The following RASGRF2 variants were observed in gnomAD, a reference collection of about 807,000 sequenced individuals.
RASGRF2 encodes ras-specific guanine nucleotide-releasing factor 2.
In RASGRF2, 76 loss-of-function variants were observed where a neutral mutation model predicts 151.0. The ratio of observed to expected loss-of-function variants is 0.50; its 90% CI spans 0.42 to 0.61. The LOEUF is 0.61. Among genes scored for constraint, RASGRF2 ranks in the 20% least tolerant of loss-of-function variants. The pLI is 0.00. For synonymous variants in RASGRF2, 504 were observed against 566.5 expected (o/e 0.89, Z 1.57); for missense variants, 1,148 against 1,564.6 (o/e 0.73, Z 4.49).
intron 3 of RASGRF2, 85 bp downstream of exon 3, chr5:81,068,264 C>T: frequency 2.7e-6 from 4 of 1,459,524 alleles, no homozygotes; most frequent in Non-Finnish European, 3.7e-6. Context: ...TTCAGGGCAA[C>T]ATTTTAATCC....
chr5:81,040,628 C>A (rs1750648771), intron 1 of RASGRF2, among the ~76,000 whole-genome samples: 1 of 149,952 alleles, frequency 6.7e-6, no homozygotes, highest in Admixed American at 6.6e-5. Context: ...AGGGCCAAGA[C>A]CATGGGGGCC....
At chr5:81,109,914 C>A (rs1456604864) in intron 13 of RASGRF2, among the ~76,000 whole-genome samples, 1 of 152,142 alleles carries the variant, frequency 6.6e-6, no homozygotes, top group African/African-American at 2.4e-5. Context: ...TCTATTAAAT[C>A]CAACATATCT....
At chr5:81,184,998 G>T (rs1490961025) in intron 18 of RASGRF2, among the ~76,000 whole-genome samples, 3 of 152,222 alleles carry the variant, frequency 2.0e-5, no homozygotes, top group Non-Finnish European at 2.9e-5. Context: ...AGGACCAAAG[G>T]CACAGGGGCA....
In RASGRF2 at chr5:81,068,031, G is replaced by A; in HGVS notation, c.396-1G>A. 6.3e-7 allele frequency: 1 copy of A among 1,598,782 alleles called. No individual in the cohort carries two copies. The highest frequency in any genetic ancestry group is 1.1e-5 in the South Asian group (1 of 88,830). On this transcript the variant is annotated splice_acceptor_variant, in intron 2 of 26. Transcript: ENST00000265080. LOFTEE classifies it high-confidence loss of function. ...GACTAACTGTGTAATTTTCTCTCAA[G>A]TTATGCAGACATTTTGATTGAGAGG...
At chr5:81,096,706 G>A (rs1010529644) in intron 12 of RASGRF2, among the ~76,000 whole-genome samples, 3 of 152,222 alleles carry the variant, frequency 2.0e-5, no homozygotes, top group East Asian at 1.9e-4. Context: ...CTTGGAGTGC[G>A]TGAATAATTC....
chr5:81,134,020 G>A (rs983234366), intron 17 of RASGRF2, among the ~76,000 whole-genome samples: 12 of 150,766 alleles, frequency 8.0e-5, no homozygotes, highest in Admixed American at 7.3e-4. Context: ...TGGGATTCAG[G>A]AATTTTTTAA....
chr5:80,995,220 C>T (rs184522550), intron 1 of RASGRF2, among the ~76,000 whole-genome samples: 2,324 of 145,478 alleles, frequency 0.016, 77 homozygotes, highest in African/African-American at 0.056. Context: ...CGCGCCACTG[C>T]CCTCCAGCCT....
Position 81,030,925 on chromosome 5 carries a change from C to T in RASGRF2, c.289-11952C>T, listed in dbSNP as rs186737805. On this transcript the variant is annotated intron_variant, in intron 1 of 26. Transcript: ENST00000265080. ...GACCCATCTCACGTGCAGAGACACA[C>T]ATTGGCTCAAAATAAAGGGATGGAG... Among the ~76,000 whole-genome samples, 3 of 152,246 alleles carry T rather than the reference C, an allele frequency of 2.0e-5. No individual in the cohort carries two copies. In the East Asian group the frequency reaches 5.8e-4, roughly 29 times the overall value.
At chr5:81,216,361 ACACACACG>A (rs370687296) in intron 24 of RASGRF2, among the ~76,000 whole-genome samples, 28,822 of 145,198 alleles carry the variant, frequency 0.2, 2,944 homozygotes, top group Admixed American at 0.3. Context: ...ACACACACAC[ACACACACG>A]CACACACACA....
At chr5:81,198,540 C>T (rs932180711) in intron 18 of RASGRF2, among the ~76,000 whole-genome samples, 1 of 152,048 alleles carries the variant, frequency 6.6e-6, no homozygotes, top group African/African-American at 2.4e-5. Flanking sequence ...GCCGGGTTCA[C>T]ACCATTCTCC....
Position 81,094,363 on chromosome 5 carries a change from G to A in RASGRF2, c.1618+1G>A, listed in dbSNP as rs1368641598. The A allele has an allele frequency of 6.2e-7, 1 of 1,610,130 alleles. No homozygotes were observed. On this transcript the variant is annotated splice_donor_variant, in intron 11 of 26. Transcript: ENST00000265080. LOFTEE classifies it high-confidence loss of function. ...GAGCCAGATGCAAGCGATGATGACT[G>A]TAAGTCACCTTCGATCACTTAGGAT...
At chr5:81,064,848 G>GTTATGTT (rs1158406222) in intron 2 of RASGRF2, among the ~76,000 whole-genome samples, 3 of 152,128 alleles carry the variant, frequency 2.0e-5, no homozygotes, top group African/African-American at 4.8e-5. Context: ...CCTTGATTAG[G>GTTATGTT]TTATGTTATA....
intron 1 of RASGRF2, among the ~76,000 whole-genome samples, chr5:81,039,706 A>G (rs1246409545): frequency 1.3e-5 from 2 of 152,166 alleles, no homozygotes; most frequent in South Asian, 2.1e-4. Flanking sequence ...TAGTAAATCC[A>G]TTAATATAAC....
At chr5:81,065,249 C>T (rs1751566260) in intron 2 of RASGRF2, among the ~76,000 whole-genome samples, 2 of 152,180 alleles carry the variant, frequency 1.3e-5, no homozygotes, top group South Asian at 4.1e-4. Context: ...AAGTAAAATA[C>T]ACTGTATTCA....
chr5:81,051,707 T>C (rs371115275), intron 2 of RASGRF2, among the ~76,000 whole-genome samples: 91 of 152,338 alleles, frequency 6.0e-4, no homozygotes, highest in African/African-American at 2.2e-3. Flanking sequence ...TATACCACAT[T>C]TTATTTATCT....
At chr5:81,070,098 G>T (rs1751727223) in intron 3 of RASGRF2, 1 of 189,196 alleles carries the variant, frequency 5.3e-6, no homozygotes, top group South Asian at 1.2e-4. Flanking sequence ...AGAACCAGGG[G>T]CTCTGAGCTG....
intron 17 of RASGRF2, among the ~76,000 whole-genome samples, chr5:81,133,267 T>C (rs557996036): frequency 1.3e-5 from 2 of 152,326 alleles, no homozygotes; most frequent in South Asian, 4.1e-4. Flanking sequence ...CCTTTTCCAA[T>C]GTCAAACAGT....
chr5:81,218,912 G>A (rs757357910), intron 25 of RASGRF2, among the ~76,000 whole-genome samples: 7 of 152,070 alleles, frequency 4.6e-5, no homozygotes, highest in Non-Finnish European at 8.8e-5. Context: ...GTTTTGTAGA[G>A]GTCTTTCGAT....
At chr5:81,015,441 C>T (rs6862583) in intron 1 of RASGRF2, among the ~76,000 whole-genome samples, 41,112 of 151,800 alleles carry the variant, frequency 0.27, 5,876 homozygotes, top group South Asian at 0.32. Context: ...AAGGAATCAG[C>T]TCAAAGAGCT....
Sources: allele counts gnomAD v4.1 joint callset (sites outside exome capture counted in the v4.1 genomes callset), GRCh38; gene constraint gnomAD v4.1.1; transcripts MANE v1.5; gene names NCBI Gene and HGNC (gene_info 2026-07-23, HGNC 2026-07-21).